POC5: variants seen among roughly 807,000 people sequenced by gnomAD.
POC5 encodes the protein POC5 centriolar protein.
A neutral mutation model predicts 62.9 loss-of-function variants in POC5; 48 were observed. The ratio of observed to expected loss-of-function variants is 0.76; its 90% confidence interval spans 0.61 to 0.97. POC5 has a LOEUF of 0.97. Among genes scored for constraint, POC5 ranks in the 50% least tolerant of loss-of-function variants. The probability of loss-of-function intolerance (pLI) is 0.00; values close to 1 mark genes in which losing one functional copy is unlikely to be tolerated. For missense variants in POC5, 696 were observed against 679.5 expected (o/e 1.02, Z -0.27); for synonymous variants, 236 against 228.2 (o/e 1.03, Z -0.31).
In POC5 at chr5:75,689,145, A is replaced by G; in HGVS notation, c.996T>C (p.Asn332=). 6.4e-7 allele frequency: 1 copy of G among 1,559,578 alleles called. No homozygotes were observed. Among genetic ancestry groups the G allele is most frequent in the Non-Finnish European group, 8.7e-7 (1 of 1,152,220 alleles). Residue 332 remains asparagine, a synonymous_variant, in exon 9 of 12, where the codon AAT becomes AAC. Transcript: ENST00000428202. ...GCATTCTTTGAATCTCAGCTTTTGC[A>G]TTTTCCAAAGCTCCAGATAACTAAA... ...KVAMLSGALE[N]AKAEIQRMQH...
At position 75,700,942 on chromosome 5, in the gene POC5, T is replaced by A. The variant is rs1251992932; in HGVS notation, c.513+1663A>T. Among the ~76,000 whole-genome samples, 2 of 135,542 alleles carry A rather than the reference T, an allele frequency of 1.5e-5. 1 individual carries two copies. Among genetic ancestry groups the A allele is most frequent in the Non-Finnish European group, 3.3e-5 (2 of 60,594 alleles). 88.9% of individuals were successfully genotyped at this position (135,542 alleles called of 152,430 possible). On this transcript the variant is annotated intron_variant, in intron 5 of 11. Transcript: ENST00000428202. ...ACAGACACTTCTCAAAAGAAGACATTTATGCAGCCAAAAAACACATGAAAA... is the reference window on the plus strand; with the variant it reads ...ACAGACACTTCTCAAAAGAAGACATATATGCAGCCAAAAAACACATGAAAA...
intron 1 of POC5, among the ~76,000 whole-genome samples, chr5:75,714,402 T>C (rs1561485878): frequency 6.6e-6 from 1 of 151,896 alleles, no homozygotes; most frequent in Non-Finnish European, 1.5e-5. Flanking sequence ...GAGAGATCAA[T>C]TGAGAGCTGA....
intron 10 of POC5, among the ~76,000 whole-genome samples, 165 bp downstream of exon 10, chr5:75,685,033 AATTTTTCGT>A: frequency 6.6e-6 from 1 of 151,966 alleles, no homozygotes; most frequent in South Asian, 2.1e-4. Context: ...ACACCCGGCT[AATTTTTCGT>A]ATTTTTAGTA....
chr5:75,710,447 A>C (rs549545048), intron 2 of POC5, among the ~76,000 whole-genome samples: 4 of 152,294 alleles, frequency 2.6e-5, no homozygotes, highest in African/African-American at 9.6e-5. Flanking sequence ...AGGTTAAATA[A>C]GGTCATTGGT....
chr5:75,684,259 TA>T (rs1461046398), intron 10 of POC5, among the ~76,000 whole-genome samples: 1 of 152,128 alleles, frequency 6.6e-6, no homozygotes, highest in African/African-American at 2.4e-5. Flanking sequence ...AATATAAAAT[TA>T]AATATACATT....
At position 75,690,381 on chromosome 5, in the gene POC5, A is replaced by C; in HGVS notation, c.975+2T>G. On this transcript the variant is annotated splice_donor_variant, in intron 8 of 11. Transcript: ENST00000428202. LOFTEE classifies it high-confidence loss of function. ...AAGTGAAAACCAGAAAAAGATGCTT[A>C]CCATAGCAACTTTGGCTTCATAATC... is the stretch of plus-strand genomic sequence containing the variant. 1 of 1,602,396 alleles carries C rather than the reference A, an allele frequency of 6.2e-7. No individual in the cohort carries two copies.
At chr5:75,694,021 T>C (rs778256887) in intron 6 of POC5, among the ~76,000 whole-genome samples, 1 of 152,202 alleles carries the variant, frequency 6.6e-6, no homozygotes, top group Non-Finnish European at 1.5e-5. Flanking sequence ...GAATTTGAGA[T>C]GCTTAAACCC....
rs1341545968 is a variant in POC5 at position 75,685,373 on chromosome 5, G to A, written c.1241C>T (p.Ser414Leu). ...GGCTGGTGGGGATGGCAGCAGTGGTGATGTAACTGGTAAGGGCATCGGAGG... is the reference window on the plus strand; with the variant it reads ...GGCTGGTGGGGATGGCAGCAGTGGTAATGTAACTGGTAAGGGCATCGGAGG... ...SAPPMPLPVT[S>L]PLLPSPPAAV... Residue 414 changes from serine to leucine, a missense_variant, in exon 10 of 12, where the codon TCA becomes TTA. By Grantham distance (145) the Ser-to-Leu change is moderately radical (BLOSUM62 -2). Coordinates refer to ENST00000428202, the MANE Select transcript of POC5 (RefSeq NM_001099271.2). 6.2e-7 allele frequency: 1 copy of A among 1,614,020 alleles called. No homozygotes were observed. The highest frequency in any genetic ancestry group is 1.1e-5 in the South Asian group (1 of 91,086).
At chr5:75,674,891 G>T (rs1775595086) in intron 11 of POC5, among the ~76,000 whole-genome samples, 1 of 152,234 alleles carries the variant, frequency 6.6e-6, no homozygotes, top group Non-Finnish European at 1.5e-5. Flanking sequence ...CAGAGGCTTT[G>T]TATACAGAGA....
chr5:75,705,460 C>T (rs1777077216), intron 4 of POC5: 1 of 282,122 alleles, frequency 3.5e-6, no homozygotes, highest in Admixed American at 5.2e-5. Context: ...AAAAGACTTG[C>T]CCTCTAACTT....
intron 5 of POC5, among the ~76,000 whole-genome samples, chr5:75,695,067 G>A (rs72768385): frequency 0.026 from 3,888 of 152,232 alleles, 67 homozygotes; most frequent in Middle Eastern, 0.044. Flanking sequence ...AATTTTGTAT[G>A]AAATCTTGTT....
chr5:75,675,321 G>A lies in POC5; in HGVS notation c.1585-743C>T, dbSNP rs1006630662. Among the ~76,000 whole-genome samples, 4 of 152,180 alleles carry A rather than the reference G, an allele frequency of 2.6e-5. No individual in the cohort carries two copies. In the South Asian group the frequency reaches 6.2e-4, roughly 24 times the overall value. ...CTATTAAACCCGATAAAGCTTCTTA[G>A]TAGCCAGCAGTGGGATTTGTTATCA... On this transcript the variant is annotated intron_variant, in intron 11 of 11. Transcript: ENST00000428202.
At chr5:75,711,992 C>A (rs983814518) in intron 2 of POC5, among the ~76,000 whole-genome samples, 1 of 152,178 alleles carries the variant, frequency 6.6e-6, no homozygotes, top group African/African-American at 2.4e-5. Flanking sequence ...GGGACAGGTA[C>A]CATCAAAAGG....
intron 2 of POC5, among the ~76,000 whole-genome samples, chr5:75,709,078 C>T (rs1338405886): frequency 6.6e-6 from 1 of 152,170 alleles, no homozygotes; most frequent in Non-Finnish European, 1.5e-5. Context: ...TGATCCACAG[C>T]CCTGGACCCC....
At chr5:75,706,534 T>C (rs1777127447) in intron 3 of POC5, among the ~76,000 whole-genome samples, 1 of 152,124 alleles carries the variant, frequency 6.6e-6, no homozygotes, top group South Asian at 2.1e-4. Context: ...GATGATTACC[T>C]TGAACTGTTG....
chr5:75,708,496 TG>T (rs1777214084), intron 2 of POC5, among the ~76,000 whole-genome samples: 1 of 152,132 alleles, frequency 6.6e-6, no homozygotes, highest in South Asian at 2.1e-4. Flanking sequence ...TTTTTGGAAC[TG>T]AAAAAAAATT....
intron 1 of POC5, among the ~76,000 whole-genome samples, chr5:75,716,821 C>T (rs893502951): frequency 1.3e-5 from 2 of 152,120 alleles, no homozygotes; most frequent in African/African-American, 4.8e-5. Flanking sequence ...AAAGGAAGAG[C>T]GAATTAACAT....
At chr5:75,709,848 C>T (rs1350500020) in intron 2 of POC5, among the ~76,000 whole-genome samples, 8 of 152,272 alleles carry the variant, frequency 5.3e-5, no homozygotes, top group Non-Finnish European at 1.2e-4. Flanking sequence ...GTAACTAATC[C>T]AGCAGCATCC....
intron 4 of POC5, among the ~76,000 whole-genome samples, chr5:75,703,870 G>C (rs557815460): frequency 6.6e-6 from 1 of 150,898 alleles, no homozygotes; most frequent in South Asian, 2.1e-4. Flanking sequence ...AAAAAGCACT[G>C]AAAGGCTGGG....
Sources: allele counts gnomAD v4.1 joint callset (sites outside exome capture counted in the v4.1 genomes callset), GRCh38; gene constraint gnomAD v4.1.1; transcripts MANE v1.5; gene names NCBI Gene and HGNC (gene_info 2026-07-23, HGNC 2026-07-21).